CSMD1: variants seen among roughly 807,000 people sequenced by gnomAD.
CSMD1 encodes the protein CUB and Sushi multiple domains 1, also known as CUB and sushi domain-containing protein 1.
In CSMD1, 213 loss-of-function variants were observed where a neutral mutation model predicts 417.5. The ratio of observed to expected loss-of-function variants is 0.51; its 90% confidence interval spans 0.46 to 0.57. The LOEUF is 0.57. Ranked by LOEUF, CSMD1 falls within the 20% of genes least tolerant of loss-of-function variation. The pLI is 0.00. For missense variants in CSMD1, 6,923 were observed against 4,529.7 expected (o/e 1.53, Z -15.17); for synonymous variants, 2,862 against 1,736.8 (o/e 1.65, Z -16.11).
chr8:3,563,573 C>A (rs531720158), intron 10 of CSMD1, among the ~76,000 whole-genome samples: 348 of 147,476 alleles, frequency 2.4e-3, no homozygotes, highest in African/African-American at 8.4e-3. Context: ...CACAAAAAAA[C>A]AAAACAAAAA....
At chr8:4,079,933 T>G (rs1462402305) in intron 3 of CSMD1, among the ~76,000 whole-genome samples, 1 of 151,526 alleles carries the variant, frequency 6.6e-6, no homozygotes, top group Non-Finnish European at 1.5e-5. Context: ...TCTCAGTGTC[T>G]TCTCATGGAG....
chr8:4,292,277 G>A (rs1419422443), intron 3 of CSMD1, among the ~76,000 whole-genome samples: 1 of 152,232 alleles, frequency 6.6e-6, no homozygotes, highest in East Asian at 1.9e-4. Flanking sequence ...TTTTGAGACA[G>A]AGTCTCGCTC....
chr8:4,552,043 A>T (rs548433301), intron 2 of CSMD1, among the ~76,000 whole-genome samples: 2 of 152,270 alleles, frequency 1.3e-5, no homozygotes, highest in African/African-American at 4.8e-5. Flanking sequence ...GTTTAATTTC[A>T]AAATTACTAA....
chr8:4,078,833 C>G (rs1299721596), intron 3 of CSMD1, among the ~76,000 whole-genome samples: 1 of 144,006 alleles, frequency 6.9e-6, no homozygotes, highest in Non-Finnish European at 1.5e-5. Flanking sequence ...GTCAGGAGTT[C>G]AAGATTATGT....
In CSMD1 at chr8:3,446,193, A is replaced by G. The variant is rs926450486; in HGVS notation, c.1561+22519T>C. 2.6e-5 allele frequency among the ~76,000 whole-genome samples: 4 copies of G among 152,068 alleles called. No homozygotes were observed. The South Asian group carries it at 6.2e-4, about 24-fold the overall frequency. ...GAAAAAGAAAAGAGGATGAGGGAGA[A>G]AAAAATCGTGAATGCACTTTCTGAA... On this transcript the variant is annotated intron_variant, in intron 12 of 69. Coordinates refer to ENST00000635120, the MANE Select transcript of CSMD1 (RefSeq NM_033225.6).
At chr8:4,912,661 CAA>C (rs1233384520) in intron 1 of CSMD1, among the ~76,000 whole-genome samples, 1 of 152,140 alleles carries the variant, frequency 6.6e-6, no homozygotes, top group Non-Finnish European at 1.5e-5. Flanking sequence ...GGTCAGGAAC[CAA>C]AGAGTTTAGC....
chr8:4,482,303 A>T (rs1464957562), intron 2 of CSMD1, among the ~76,000 whole-genome samples: 3 of 152,020 alleles, frequency 2.0e-5, no homozygotes, highest in South Asian at 2.1e-4. Context: ...TGTCCATGGG[A>T]TCTCTTCATT....
intron 54 of CSMD1, among the ~76,000 whole-genome samples, chr8:2,995,619 T>C (rs1453078209): frequency 6.6e-6 from 1 of 152,180 alleles, no homozygotes; most frequent in Non-Finnish European, 1.5e-5. Context: ...GCAGCATTGT[T>C]TGTGACAGCA....
chr8:4,965,046 G>T (rs150232841), intron 1 of CSMD1, among the ~76,000 whole-genome samples: 52 of 152,224 alleles, frequency 3.4e-4, no homozygotes, highest in African/African-American at 1.0e-3. Flanking sequence ...CTTTAAAGAA[G>T]GAATCAAATA....
Position 3,621,273 on chromosome 8 carries a change from T to A in CSMD1, c.1010-4476A>T, listed in dbSNP as rs146680002. Among the ~76,000 whole-genome samples, 278 of 152,290 alleles carry A rather than the reference T, an allele frequency of 1.8e-3. 2 individuals are homozygous for A. Among genetic ancestry groups the A allele is most frequent in the African/African-American group, 6.4e-3 (267 of 41,562 alleles). ...ATCACCCCAAACCAAAGACATAGGT[T>A]GGCAGGAGGCGTTGAATAGTAAGTT... is the stretch of plus-strand genomic sequence containing the variant. On this transcript the variant is annotated intron_variant, in intron 7 of 69. Coordinates refer to ENST00000635120, the MANE Select transcript of CSMD1 (RefSeq NM_033225.6).
chr8:4,690,582 A>G (rs940814863), intron 1 of CSMD1, among the ~76,000 whole-genome samples: 1 of 152,180 alleles, frequency 6.6e-6, no homozygotes, highest in African/African-American at 2.4e-5. Flanking sequence ...CTAAAATATT[A>G]TATTTTAGCA....
chr8:4,797,690 A>T (rs1798056631), intron 1 of CSMD1, among the ~76,000 whole-genome samples: 1 of 152,234 alleles, frequency 6.6e-6, no homozygotes, highest in Non-Finnish European at 1.5e-5. Flanking sequence ...GCTTTCCTTA[A>T]GATTCACAAG....
intron 3 of CSMD1, among the ~76,000 whole-genome samples, chr8:4,170,612 G>A (rs1210390803): frequency 6.6e-6 from 1 of 151,866 alleles, no homozygotes; most frequent in Non-Finnish European, 1.5e-5. Flanking sequence ...CTACAAACAT[G>A]AATTCTGGGT....
intron 3 of CSMD1, among the ~76,000 whole-genome samples, chr8:4,201,874 T>C (rs1177705262): frequency 1.3e-5 from 1 of 75,056 alleles, no homozygotes; most frequent in African/African-American, 4.2e-5. Context: ...ATGACCATTA[T>C]ACATGGAAAT....
At chr8:4,524,465 C>G (rs1370341212) in intron 2 of CSMD1, among the ~76,000 whole-genome samples, 1 of 151,900 alleles carries the variant, frequency 6.6e-6, no homozygotes, top group East Asian at 1.9e-4. Context: ...AACAGGACAG[C>G]TGAGTGAGGC....
chr8:4,127,572 G>A (rs928482163), intron 3 of CSMD1, among the ~76,000 whole-genome samples: 2 of 151,530 alleles, frequency 1.3e-5, no homozygotes, highest in African/African-American at 2.4e-5. Flanking sequence ...TTCCACAGAG[G>A]GATTTTCTAA....
intron 3 of CSMD1, among the ~76,000 whole-genome samples, chr8:4,355,997 C>T (rs1462432901): frequency 6.6e-6 from 1 of 152,096 alleles, no homozygotes; most frequent in African/African-American, 2.4e-5. Flanking sequence ...TATTGGGGTA[C>T]ATGTGGCATT....
intron 3 of CSMD1, among the ~76,000 whole-genome samples, chr8:4,241,023 T>G (rs991814634): frequency 6.6e-6 from 1 of 152,194 alleles, no homozygotes; most frequent in Non-Finnish European, 1.5e-5. Flanking sequence ...TCTGACTGAC[T>G]AGTGTTATTT....
At chr8:3,584,323 C>G (rs541851132) in intron 9 of CSMD1, among the ~76,000 whole-genome samples, 2 of 152,198 alleles carry the variant, frequency 1.3e-5, no homozygotes, top group South Asian at 2.1e-4. Context: ...AAAACTAAAC[C>G]AAACACACCA....
Sources: gnomAD v4.1 joint callset for allele counts (sites outside exome capture counted in the v4.1 genomes callset) on GRCh38, gnomAD v4.1.1 for gene constraint, MANE v1.5 for transcripts, NCBI Gene and HGNC (gene_info 2026-07-23, HGNC 2026-07-21) for gene names.